The following ASB16 variants were observed in gnomAD, a reference collection of about 807,000 sequenced individuals.
ASB16 encodes ankyrin repeat and SOCS box containing 16, also known as ankyrin repeat and SOCS box protein 16.
A neutral mutation model predicts 39.1 loss-of-function variants in ASB16; 44 were observed. That is an observed-to-expected ratio of 1.13 (90% CI 0.88 to 1.45). The LOEUF is 1.45. Among genes scored for constraint, ASB16 ranks in the 40% most tolerant of loss-of-function variants. The pLI is 0.00. For synonymous variants in ASB16, 305 were observed against 286.7 expected (o/e 1.06, Z -0.64); for missense variants, 698 against 634.5 (o/e 1.10, Z -1.07).
Position 44,176,570 on chromosome 17 carries a change from A to G in ASB16, c.570-168A>G, listed in dbSNP as rs1039648326. On this transcript the variant is annotated intron_variant, in intron 2 of 4. Transcript: ENST00000293414. ...ACTGAAGATGCTTCTGGTAGCTCTC[A>G]GGACCTTCCAATTCTGTTGTCTGTA... 39 of 997,650 alleles carry G rather than the reference A, an allele frequency of 3.9e-5. No individual in the cohort carries two copies. The Admixed American group carries it at 7.2e-4, about 18-fold the overall frequency. The allele number at this position is 997,650 out of a possible 1,614,324, so 61.8% of individuals were successfully genotyped here.
At chr17:44,172,349 A>ATG (rs10628218) in intron 2 of ASB16, 36 bp downstream of exon 2, 449,923 of 1,569,208 alleles carry the variant, frequency 0.29, 67,642 homozygotes, top group East Asian at 0.64. Flanking sequence ...TTGGGGAGAA[A>ATG]TGTGTGTGTG....
chr17:44,174,320 C>T (rs2054268970), intron 2 of ASB16, among the ~76,000 whole-genome samples: 1 of 152,076 alleles, frequency 6.6e-6, no homozygotes, highest in Non-Finnish European at 1.5e-5. Context: ...GCTGGGATTA[C>T]AGGCGTGAGC....
In ASB16 at chr17:44,172,083, A is replaced by C. The variant is rs763298753; in HGVS notation, c.339A>C (p.Ala113=). 3.7e-6 allele frequency: 6 copies of C among 1,610,308 alleles called. No homozygotes were observed. In the East Asian group the frequency reaches 1.1e-4, roughly 30 times the overall value. Residue 113 remains alanine (A), a synonymous_variant, in exon 2 of 5, where the codon GCA becomes GCC. Coordinates refer to ENST00000293414, the MANE Select transcript of ASB16 (RefSeq NM_080863.5). ...WVLTPKTKQT[A]PLAIATARGY... The stretch of plus-strand genomic sequence containing the variant: ...TGACCCCCAAGACCAAGCAGACGGC[A>C]CCCCTCGCCATCGCTACAGCCCGAG...
Position 44,170,973 on chromosome 17 carries a change from C to T in ASB16, c.184C>T (p.His62Tyr). Residue 62 changes from histidine to tyrosine, a missense_variant, in exon 1 of 5, where the codon CAC (histidine) becomes TAC (tyrosine). Transcript: ENST00000293414. The stretch of plus-strand genomic sequence containing the variant: ...CCGTTCCTGCCGAGACCCAGCTGTC[C>T]ACCAAGCCCTCTTCTCCGGCAACCT... ...PHRSCRDPAV[H>Y]QALFSGNLQQ... The T allele has an allele frequency of 6.2e-7, 1 of 1,613,974 alleles. No homozygotes were observed. Among genetic ancestry groups the T allele is most frequent in the Non-Finnish European group, 8.5e-7 (1 of 1,180,022 alleles).
Position 44,170,832 on chromosome 17 carries a change from T to G in ASB16, c.43T>G (p.Ser15Ala). 6.2e-7 allele frequency: 1 copy of G among 1,611,072 alleles called. No individual in the cohort carries two copies. The highest frequency in any genetic ancestry group is 8.5e-7 in the Non-Finnish European group (1 of 1,179,268). Reference protein sequence around the residue: ...TFPFTSSMLRSLRLQQEWLEW... With the variant: ...TFPFTSSMLRALRLQQEWLEW... ...CCCCTTCACCTCCTCCATGCTGCGCTCTCTCCGCCTGCAGCAGGAGTGGCT... is the reference window on the plus strand; with the variant it reads ...CCCCTTCACCTCCTCCATGCTGCGCGCTCTCCGCCTGCAGCAGGAGTGGCT... Residue 15 changes from serine (S) to alanine (A), a missense_variant, in exon 1 of 5, where the codon TCT becomes GCT. Physicochemically the swap from Ser to Ala is moderately conservative, Grantham distance 99. Coordinates refer to ENST00000293414, the MANE Select transcript of ASB16 (RefSeq NM_080863.5).
intron 2 of ASB16, chr17:44,176,468 T>C: frequency 1.8e-6 from 1 of 563,418 alleles, no homozygotes; most frequent in South Asian, 2.0e-5. Flanking sequence ...GTGAGTACTA[T>C]TTCTGGTGCA....
In ASB16 at chr17:44,178,479, T is replaced by C; in HGVS notation, c.*89T>C. 1 of 1,376,078 alleles carries C rather than the reference T, an allele frequency of 7.3e-7. No homozygotes were observed. The highest frequency in any genetic ancestry group is 1.5e-5 in the South Asian group (1 of 68,046). The allele number at this position is 1,376,078 out of a possible 1,614,324, so 85.2% of individuals were successfully genotyped here. A position where few individuals can be genotyped will look rare whatever the true frequency, so the allele number is the denominator to read the frequency against. On this transcript the variant is annotated 3_prime_UTR_variant, in exon 5 of 5. Transcript: ENST00000293414. ...GGAGGACCAGTTCCTGGCCCTCTTT[T>C]CTTTTCTTTTTGAGACCTAGTCTCA...
chr17:44,171,729 C>G (rs1476328244), intron 1 of ASB16, among the ~76,000 whole-genome samples: 1 of 152,056 alleles, frequency 6.6e-6, no homozygotes, highest in Non-Finnish European at 1.5e-5. Flanking sequence ...ATTAGCCATT[C>G]AAAGACGCTG....
At position 44,177,229 on chromosome 17, in the gene ASB16, A is replaced by G; in HGVS notation, c.1061A>G (p.Glu354Gly). The G allele has an allele frequency of 6.5e-7, 1 of 1,535,924 alleles. No individual in the cohort carries two copies. The highest frequency in any genetic ancestry group is 8.8e-7 in the Non-Finnish European group (1 of 1,141,840). The change falls in exon 3 of 5, where the codon GAG becomes GGG. Residue 354 changes from glutamate (E) to glycine (G), a missense_variant and splice_region_variant. Glu to Gly is a moderately conservative substitution (Grantham distance 98). Transcript: ENST00000293414. ...LDYGAQPVRP[E>G]MLKHCANFPR... ...TACGGGGCGCAGCCAGTGCGCCCTG[A>G]GGTGCGCTGGGAGGCCCTGACATAG...
Position 44,170,780 on chromosome 17 carries a change from G to C in ASB16, c.-10G>C, listed in dbSNP as rs1416811555. 6.3e-7 allele frequency: 1 copy of C among 1,579,560 alleles called. No homozygotes were observed. The highest frequency in any genetic ancestry group is 1.2e-5 in the South Asian group (1 of 85,392). On this transcript the variant is annotated 5_prime_UTR_variant, in exon 1 of 5. Transcript: ENST00000293414. ...CCAGGTGCCACTGCCCAAACCCCTGGGCCCCATCCATGGCAAGAGAGACCT... is the reference window on the plus strand; with the variant it reads ...CCAGGTGCCACTGCCCAAACCCCTGCGCCCCATCCATGGCAAGAGAGACCT...
rs369327186 is a variant in ASB16 at position 44,177,223 on chromosome 17, G to A, written c.1055G>A (p.Arg352His). Reference sequence around the variant, plus strand: ...CTGGACTACGGGGCGCAGCCAGTGCGCCCTGAGGTGCGCTGGGAGGCCCTG... The same window carrying A: ...CTGGACTACGGGGCGCAGCCAGTGCACCCTGAGGTGCGCTGGGAGGCCCTG... ...ALLDYGAQPV[R>H]PEMLKHCANF... Residue 352 changes from arginine (R) to histidine (H), a missense_variant, in exon 3 of 5, where the codon CGC becomes CAC. By Grantham distance (29) the Arg-to-His change is conservative. Coordinates refer to ENST00000293414, the MANE Select transcript of ASB16 (RefSeq NM_080863.5). 113 of 1,538,230 alleles carry A rather than the reference G, an allele frequency of 7.3e-5. 1 individual carries two copies. The highest frequency in any genetic ancestry group is 2.3e-4 in the Middle Eastern group (1 of 4,346).
chr17:44,173,253 C>T (rs997829959), intron 2 of ASB16, among the ~76,000 whole-genome samples: 1 of 151,068 alleles, frequency 6.6e-6, no homozygotes, highest in Non-Finnish European at 1.5e-5. Flanking sequence ...CCAGGCTGGG[C>T]ATGGTGGCTG....
chr17:44,172,897 G>A lies in ASB16; in HGVS notation c.569+584G>A, dbSNP rs922998472. Among the ~76,000 whole-genome samples, 5 of 150,282 alleles carry A rather than the reference G, an allele frequency of 3.3e-5. No individual in the cohort carries two copies. In the East Asian group the frequency reaches 6.1e-4, roughly 18 times the overall value. ...CTCCCAAAGTGCTGGGATTACAGGCGTGAGCCACCATGCCCAGCCCAAATT... is the reference window on the plus strand; with the variant it reads ...CTCCCAAAGTGCTGGGATTACAGGCATGAGCCACCATGCCCAGCCCAAATT... On this transcript the variant is annotated intron_variant, in intron 2 of 4. Transcript: ENST00000293414.
At position 44,172,282 on chromosome 17, in the gene ASB16, T is replaced by C. The variant is rs140204503; in HGVS notation, c.538T>C (p.Leu180=). The C allele has an allele frequency of 4.4e-4, 709 of 1,613,472 alleles. 9 individuals are homozygous for C. In the South Asian group the frequency reaches 6.8e-3, roughly 15 times the overall value. Residue 180 remains leucine, a synonymous_variant, in exon 2 of 5, where the codon TTG becomes CTG. Coordinates refer to ENST00000293414, the MANE Select transcript of ASB16 (RefSeq NM_080863.5). ...NVLTEEGTTP[L]HLCTIPESLQ... is the part of the protein sequence containing the mutation. ...GCTGACTGAGGAGGGCACGACTCCT[T>C]TGCACCTCTGCACGATCCCCGAGTC...
In ASB16 at chr17:44,172,241, G is replaced by C; in HGVS notation, c.497G>C (p.Gly166Ala). 1.2e-6 allele frequency: 2 copies of C among 1,613,814 alleles called. No homozygotes were observed. The highest frequency in any genetic ancestry group is 4.5e-5 in the East Asian group (2 of 44,888). Reference protein sequence around the residue: ...FDCVRLLLTFGAKANVLTEEG... With the variant: ...FDCVRLLLTFAAKANVLTEEG... ...TGTGTGCGGCTGCTGCTGACCTTCG[G>C]AGCCAAGGCTAATGTGCTGACTGAG... The change falls in exon 2 of 5, where the codon GGA becomes GCA. Residue 166 changes from glycine to alanine, a missense_variant. Coordinates refer to ENST00000293414, the MANE Select transcript of ASB16 (RefSeq NM_080863.5).
intron 2 of ASB16, among the ~76,000 whole-genome samples, chr17:44,173,805 C>T (rs1049475032): frequency 6.6e-6 from 1 of 152,040 alleles, no homozygotes; most frequent in Admixed American, 6.6e-5. Flanking sequence ...CAGGGCGGGA[C>T]CCTGTCTTAA....
intron 1 of ASB16, among the ~76,000 whole-genome samples, chr17:44,171,561 T>TCAAAAAAAAAA: frequency 1.0e-5 from 1 of 97,682 alleles, no homozygotes; most frequent in South Asian, 3.2e-4. Context: ...AGACCCTGCC[T>TCAAAAAAAAAA]AAAAAAAAAA....
chr17:44,172,185 G>C lies in ASB16; in HGVS notation c.441G>C (p.Leu147Phe). The change falls in exon 2 of 5, where the codon TTG (leucine) becomes TTC (phenylalanine). Residue 147 changes from leucine (L) to phenylalanine (F), a missense_variant. Coordinates refer to ENST00000293414, the MANE Select transcript of ASB16 (RefSeq NM_080863.5). ...LDARVGGRAALHEACARAQFD... is the reference protein window; with the variant it reads ...LDARVGGRAAFHEACARAQFD... Reference sequence around the variant, plus strand: ...CCCGTGTCGGGGGTCGCGCTGCCTTGCATGAGGCCTGTGCCCGAGCCCAGT... The same window carrying C: ...CCCGTGTCGGGGGTCGCGCTGCCTTCCATGAGGCCTGTGCCCGAGCCCAGT... 6.2e-7 allele frequency: 1 copy of C among 1,612,898 alleles called. No individual in the cohort carries two copies.
intron 3 of ASB16, 143 bp downstream of exon 3, chr17:44,177,373 G>A: frequency 7.8e-7 from 1 of 1,280,806 alleles, no homozygotes. Flanking sequence ...GCTTGGGAGG[G>A]GGAGAGAGGA....
Sources: allele counts gnomAD v4.1 joint callset (sites outside exome capture counted in the v4.1 genomes callset), GRCh38; gene constraint gnomAD v4.1.1; transcripts MANE v1.5; gene names NCBI Gene and HGNC (gene_info 2026-07-23, HGNC 2026-07-21).